The following SLC35B3 variants were observed in gnomAD, a reference collection of about 807,000 sequenced individuals.
SLC35B3 encodes adenosine 3'-phospho 5'-phosphosulfate transporter 2.
Under a neutral mutation model 44.1 loss-of-function variants are expected in SLC35B3, and 35 were observed. The ratio of observed to expected loss-of-function variants is 0.79; its 90% CI spans 0.61 to 1.05. The LOEUF is 1.05. SLC35B3 is among the 50% of genes least tolerant of loss of function. The probability of loss-of-function intolerance (pLI) is 0.00; values close to 1 mark genes in which losing one functional copy is unlikely to be tolerated. For missense variants in SLC35B3, 414 were observed against 476.4 expected (o/e 0.87, Z 1.22); for synonymous variants, 146 against 167.3 (o/e 0.87, Z 0.98).
intron 4 of SLC35B3, among the ~76,000 whole-genome samples, chr6:8,427,538 T>A (rs1345408016): frequency 1.3e-5 from 2 of 152,220 alleles, no homozygotes; most frequent in Non-Finnish European, 2.9e-5. Context: ...TTTTGGAGCA[T>A]TTCTGGATTT....
chr6:8,414,763 G>T, intron 10 of SLC35B3, 145 bp downstream of exon 9: 1 of 429,492 alleles, frequency 2.3e-6, no homozygotes, highest in Non-Finnish European at 4.1e-6. Context: ...AGCATAACAG[G>T]AAAAAAAACC....
chr6:8,424,005 T>G lies in SLC35B3; in HGVS notation c.420-1381A>C, dbSNP rs752219448. ...CAAATCATTGGCAGAAAATAAAAAT[T>G]CAAGTCAGAAGAATTACAAGGAATG... On this transcript the variant is annotated intron_variant, in intron 4 of 10. Coordinates refer to ENST00000644923, the MANE Select transcript of SLC35B3 (RefSeq NM_001370476.2). Among the ~76,000 whole-genome samples the G allele has an allele frequency of 7.7e-4, 117 of 152,080 alleles. 1 individual carries two copies. The highest frequency in any genetic ancestry group is 1.2e-3 in the Non-Finnish European group (82 of 68,030).
chr6:8,427,973 A>G lies in SLC35B3; in HGVS notation c.383T>C (p.Leu128Pro). ...GTCCTGAATAAGCTGAAGTTCTATT[A>G]GGCCAAATATGGAGTAAAAGGCAAA... Residue 128 changes from leucine (L) to proline (P), a missense_variant, in exon 4 of 11, where the codon CTA becomes CCA. Transcript: ENST00000644923. 6.2e-7 allele frequency: 1 copy of G among 1,612,880 alleles called. No individual in the cohort carries two copies. Among genetic ancestry groups the G allele is most frequent in the Non-Finnish European group, 8.5e-7 (1 of 1,179,264 alleles).
At chr6:8,430,717 C>CAAATA (rs201666807) in intron 2 of SLC35B3, among the ~76,000 whole-genome samples, 2,545 of 151,110 alleles carry the variant, frequency 0.017, 60 homozygotes, top group African/African-American at 0.053. Flanking sequence ...CTCTCTCTAC[C>CAAATA]AAATAAAATA....
chr6:8,430,040 T>G lies in SLC35B3; in HGVS notation c.121A>C (p.Arg41=), dbSNP rs775155225. ...GGCACAGTGATAGAAATATATTTCCTGGAATTGTTGAACTTGAGATCCATT... is the reference window on the plus strand; with the variant it reads ...GGCACAGTGATAGAAATATATTTCCGGGAATTGTTGAACTTGAGATCCATT... The change falls in exon 3 of 11, where the codon AGG becomes CGG. Residue 41 remains arginine, a synonymous_variant. Coordinates refer to ENST00000644923, the MANE Select transcript of SLC35B3 (RefSeq NM_001370476.2). The G allele has an allele frequency of 3.1e-6, 5 of 1,613,950 alleles. No homozygotes were observed. In the African/African-American group the frequency reaches 5.3e-5, roughly 17 times the overall value.
Position 8,420,772 on chromosome 6 carries a change from T to C in SLC35B3, c.631A>G (p.Ile211Val). 6.2e-7 allele frequency: 1 copy of C among 1,613,542 alleles called. No homozygotes were observed. ...GTGCTGTCAGCGAGGGTAAACCATA[T>C]CAGGCCAAGGCTCATACATATGGCA... Residue 211 changes from isoleucine (I) to valine (V), a missense_variant, in exon 6 of 11, where the codon ATA becomes GTA. Physicochemically the swap from Ile to Val is conservative, Grantham distance 29. Coordinates refer to ENST00000644923, the MANE Select transcript of SLC35B3 (RefSeq NM_001370476.2). This position sits in a 1 kb window ranked among gnomAD's most constrained non-coding sequence, Gnocchi z 4.4.
Position 8,435,101 on chromosome 6 carries a change from C to T in SLC35B3, c.-44+242G>A. 1 of 1,246,008 alleles carries T rather than the reference C, an allele frequency of 8.0e-7. No individual in the cohort carries two copies. The highest frequency in any genetic ancestry group is 1.5e-5 in the African/African-American group (1 of 64,858). 77.2% of individuals were successfully genotyped at this position (1,246,008 alleles called of 1,614,324 possible). A position where few individuals can be genotyped will look rare whatever the true frequency, so the allele number is the denominator to read the frequency against. On this transcript the variant is annotated intron_variant, in intron 1 of 10. Coordinates refer to ENST00000644923, the MANE Select transcript of SLC35B3 (RefSeq NM_001370476.2). This position sits in a 1 kb window ranked among gnomAD's most constrained non-coding sequence, Gnocchi z 5.5. ...CCCCTGCGAGTCCACGGATTGGGAC[C>T]TGAGGGAGTTCTCGCCAGCCCGAGG...
In SLC35B3 at chr6:8,423,040, T is replaced by C. The variant is rs149604318; in HGVS notation, c.420-416A>G. On this transcript the variant is annotated intron_variant, in intron 4 of 10. Coordinates refer to ENST00000644923, the MANE Select transcript of SLC35B3 (RefSeq NM_001370476.2). ...TCTCGCTCTGTTGCCTAGGCTGGAG[T>C]GCAGTGGCATGATCTCAGCTAAGTG... Among the ~76,000 whole-genome samples, 405 of 152,216 alleles carry C rather than the reference T, an allele frequency of 2.7e-3. 2 individuals are homozygous for C. Among genetic ancestry groups the C allele is most frequent in the African/African-American group, 9.2e-3 (383 of 41,540 alleles).
chr6:8,429,709 GTTAAGAAGCTC>G, intron 3 of SLC35B3, 144 bp downstream of exon 2: 1 of 526,770 alleles, frequency 1.9e-6, no homozygotes, highest in Non-Finnish European at 3.3e-6. Flanking sequence ...ATTTTGATCT[GTTAAGAAGCTC>G]TTTTCTACTC....
intron 2 of SLC35B3, among the ~76,000 whole-genome samples, chr6:8,430,913 A>G (rs76570204): frequency 6.6e-6 from 1 of 151,032 alleles, no homozygotes; most frequent in Admixed American, 6.6e-5. Context: ...AATAAATGAA[A>G]AAAACAAAAC....
Position 8,433,454 on chromosome 6 carries a change from T to A in SLC35B3, c.3+931A>T, listed in dbSNP as rs145764310. Among the ~76,000 whole-genome samples the A allele has an allele frequency of 7.9e-5, 12 of 152,204 alleles. No individual in the cohort carries two copies. Among genetic ancestry groups the A allele is most frequent in the Admixed American group, 3.9e-4 (6 of 15,276 alleles). ...GATGTTCTGGCACATAACAAAAATGTAAGATTAAATGAAGGACTCTACCAC... is the reference window on the plus strand; with the variant it reads ...GATGTTCTGGCACATAACAAAAATGAAAGATTAAATGAAGGACTCTACCAC... On this transcript the variant is annotated intron_variant, in intron 2 of 10. Coordinates refer to ENST00000644923, the MANE Select transcript of SLC35B3 (RefSeq NM_001370476.2). The surrounding 1 kb of genome is among the most constrained non-coding windows in gnomAD (Gnocchi z 4.1).
chr6:8,426,697 T>C (rs1362491499), intron 4 of SLC35B3, among the ~76,000 whole-genome samples: 1 of 151,932 alleles, frequency 6.6e-6, no homozygotes, highest in Non-Finnish European at 1.5e-5. Flanking sequence ...CTAATAACAG[T>C]AAATTGGTAC....
chr6:8,428,632 CTAAAA>C (rs1475752487), intron 3 of SLC35B3, among the ~76,000 whole-genome samples: 1 of 152,064 alleles, frequency 6.6e-6, no homozygotes, highest in African/African-American at 2.4e-5. Flanking sequence ...CAATTATAAA[CTAAAA>C]TATCTGATTA....
At chr6:8,425,681 T>TA (rs374026968) in intron 4 of SLC35B3, among the ~76,000 whole-genome samples, 8 of 151,144 alleles carry the variant, frequency 5.3e-5, no homozygotes, top group South Asian at 4.2e-4. Context: ...ATTTTATGAT[T>TA]AAAAAAAAAG....
rs1199195429 is a variant in SLC35B3, at chr6:8,433,699, T to C, written c.3+686A>G. On this transcript the variant is annotated intron_variant, in intron 2 of 10. Coordinates refer to ENST00000644923, the MANE Select transcript of SLC35B3 (RefSeq NM_001370476.2). The surrounding 1 kb of genome is among the most constrained non-coding windows in gnomAD (Gnocchi z 4.1). The stretch of plus-strand genomic sequence containing the variant: ...TTTGAAATGAACATGAAAATAAATT[T>C]GTTTCCTCTGCCTGAGGCATCAGTC... 2.0e-5 allele frequency among the ~76,000 whole-genome samples: 3 copies of C among 152,206 alleles called. No individual in the cohort carries two copies. The highest frequency in any genetic ancestry group is 4.4e-5 in the Non-Finnish European group (3 of 68,036).
At position 8,428,485 on chromosome 6, in the gene SLC35B3, CCCAA is replaced by C. The variant is rs537074973; in HGVS notation, c.298-431_298-428del. On this transcript the variant is annotated intron_variant, in intron 3 of 10. Coordinates refer to ENST00000644923, the MANE Select transcript of SLC35B3 (RefSeq NM_001370476.2). ...TATAAAAAACACTTCATTACCAAAC[CCCAA>C]CCATTTTCTCTGAACTATTTTGATA... Among the ~76,000 whole-genome samples the C allele has an allele frequency of 5.5e-3, 830 of 152,072 alleles. 4 individuals carry two copies. Among genetic ancestry groups the C allele is most frequent in the Non-Finnish European group, 9.5e-3 (643 of 67,948 alleles).
Position 8,429,997 on chromosome 6 carries a change from ATTGT to A in SLC35B3, c.160_163del (p.Thr54CysfsTer16). 6.2e-7 allele frequency: 1 copy of A among 1,613,974 alleles called. No individual in the cohort carries two copies. Among genetic ancestry groups the A allele is most frequent in the South Asian group, 1.1e-5 (1 of 91,058 alleles). ...GTCAACTGACTTGATGTGTGGTGACATTGTTTGGGTTTTGGATGGCACAGTGATA... is the reference window on the plus strand; with the variant it reads ...GTCAACTGACTTGATGTGTGGTGACATTGGGTTTTGGATGGCACAGTGATA... On this transcript the variant is annotated frameshift_variant, in exon 3 of 11. Transcript: ENST00000644923. LOFTEE classifies it high-confidence loss of function.
intron 2 of SLC35B3, among the ~76,000 whole-genome samples, chr6:8,430,606 G>A (rs1041851502): frequency 1.8e-4 from 28 of 152,154 alleles, no homozygotes; most frequent in African/African-American, 6.5e-4. Context: ...AAGGCCAGGT[G>A]TGGTGGCTCA....
rs555431611 is a variant in SLC35B3 at position 8,417,541 on chromosome 6, A to C, written c.781-47T>G. 1.2e-5 allele frequency: 14 copies of C among 1,148,000 alleles called. No homozygotes were observed. In the South Asian group the frequency reaches 1.4e-4, roughly 12 times the overall value. The allele number at this position is 1,148,000 out of a possible 1,614,324, so 71.1% of individuals were successfully genotyped here. On this transcript the variant is annotated intron_variant, in intron 7 of 10. Coordinates refer to ENST00000644923, the MANE Select transcript of SLC35B3 (RefSeq NM_001370476.2). ...CAGAAAAAAGTACTATGAAACTGAA[A>C]ATGGAAGATTAAGGGTTTTAACTCT... is the stretch of plus-strand genomic sequence containing the variant.
Sources: gnomAD v4.1 joint callset for allele counts (sites outside exome capture counted in the v4.1 genomes callset) on GRCh38, gnomAD v4.1.1 for gene constraint, Gnocchi (gnomAD v3.1) non-coding constraint, MANE v1.5 for transcripts, NCBI Gene and HGNC (gene_info 2026-07-23, HGNC 2026-07-21) for gene names.